The following ZFHX3 variants were observed in gnomAD, a reference collection of about 807,000 sequenced individuals.
ZFHX3 encodes zinc finger homeobox 3.
ZFHX3 carries 42 observed loss-of-function variants against 279.1 expected under a neutral mutation model. The ratio of observed to expected loss-of-function variants is 0.15; its 90% CI spans 0.12 to 0.19. The LOEUF (loss-of-function observed/expected upper bound fraction) is 0.19. Among genes scored for constraint, ZFHX3 ranks in the 10% least tolerant of loss-of-function variants. The probability of loss-of-function intolerance (pLI) is 1.00; values close to 1 mark genes in which losing one functional copy is unlikely to be tolerated. For synonymous variants in ZFHX3, 2,293 were observed against 1,957.8 expected, an observed-to-expected ratio of 1.17 and a Z score of -4.52; for missense variants, 4,981 against 4,754.0, an observed-to-expected ratio of 1.05 and a Z score of -1.40.
At chr16:73,047,506 G>A (rs1965340546) in intron 1 of ZFHX3, among the ~76,000 whole-genome samples, 1 of 152,190 alleles carries the variant, frequency 6.6e-6, no homozygotes, top group Non-Finnish European at 1.5e-5. Context: ...GCAGACTCAG[G>A]AAAGGAGGAG....
At chr16:73,594,399 C>T (rs182638999) in intron 2 of ZFHX3, among the ~76,000 whole-genome samples, 1 of 152,142 alleles carries the variant, frequency 6.6e-6, no homozygotes. Flanking sequence ...AATTACCTTC[C>T]AATGGATGTG....
chr16:73,518,127 G>A (rs1259526269), intron 2 of ZFHX3, among the ~76,000 whole-genome samples: 1 of 152,064 alleles, frequency 6.6e-6, no homozygotes, highest in Non-Finnish European at 1.5e-5. Flanking sequence ...CACATTTCAG[G>A]TGCTCGTTAG....
chr16:73,399,569 T>A (rs150634850), intron 3 of ZFHX3, among the ~76,000 whole-genome samples: 3,208 of 152,112 alleles, frequency 0.021, 45 homozygotes, highest in African/African-American at 0.038. Context: ...TGCAAATGGG[T>A]TGATGAGTTT....
At chr16:72,862,338 C>T (rs2037909386) in intron 4 of ZFHX3, among the ~76,000 whole-genome samples, 1 of 152,240 alleles carries the variant, frequency 6.6e-6, no homozygotes, top group Non-Finnish European at 1.5e-5. Flanking sequence ...CTGCTGTGTT[C>T]CCTGCCTTCT....
At chr16:73,120,648 AC>A (rs200939803) in intron 7 of ZFHX3, among the ~76,000 whole-genome samples, 987 of 74,102 alleles carry the variant, frequency 0.013, 60 homozygotes, top group African/African-American at 0.032. Flanking sequence ...TATCCTCTCT[AC>A]CTTTTTTTTT....
rs547603140 is a variant in ZFHX3 at position 73,249,904 on chromosome 16, G to A, written c.-1104+7143C>T. 8.8e-4 allele frequency among the ~76,000 whole-genome samples: 134 copies of A among 151,530 alleles called. 1 individual carries two copies. Among genetic ancestry groups the A allele is most frequent in the Non-Finnish European group, 1.5e-3 (102 of 67,956 alleles). The stretch of plus-strand genomic sequence containing the variant: ...AGGAAATGCAAATTAAAATCATAAC[G>A]AGGGACCATTCCCGCAACTACCACC... On this transcript the variant is annotated intron_variant, in intron 5 of 17. Coordinates refer to the ZFHX3 transcript ENST00000641206.
At chr16:73,297,033 C>T (rs1223484403) in intron 4 of ZFHX3, among the ~76,000 whole-genome samples, 1 of 150,024 alleles carries the variant, frequency 6.7e-6, no homozygotes, top group Non-Finnish European at 1.5e-5. Flanking sequence ...GCCCACCACC[C>T]TGCCCGGCTA....
chr16:72,923,586 T>C (rs1396236569), intron 3 of ZFHX3, among the ~76,000 whole-genome samples: 14 of 152,072 alleles, frequency 9.2e-5, no homozygotes, highest in Admixed American at 8.5e-4. Context: ...GGCACTGATA[T>C]AGTTGATGCG....
At chr16:73,594,024 T>G (rs1464267309) in intron 2 of ZFHX3, among the ~76,000 whole-genome samples, 1 of 152,160 alleles carries the variant, frequency 6.6e-6, no homozygotes, top group African/African-American at 2.4e-5. Context: ...AACATTATAC[T>G]GGAGGTCACA....
chr16:73,457,792 A>C (rs2018399321), intron 2 of ZFHX3, among the ~76,000 whole-genome samples: 1 of 152,154 alleles, frequency 6.6e-6, no homozygotes, highest in Admixed American at 6.5e-5. Flanking sequence ...AAAATAAAAT[A>C]AAATAAAAAT....
At chr16:73,177,064 C>T (rs974801753) in intron 5 of ZFHX3, among the ~76,000 whole-genome samples, 9 of 151,988 alleles carry the variant, frequency 5.9e-5, no homozygotes, top group African/African-American at 1.2e-4. Context: ...TACTCAATGA[C>T]GTGAGTTATT....
rs80134978 is a variant in ZFHX3 at position 73,271,256 on chromosome 16, T to G, written c.-1193-14120A>C. Among the ~76,000 whole-genome samples, 502 of 152,314 alleles carry G rather than the reference T, an allele frequency of 3.3e-3. 6 individuals are homozygous for G. The highest frequency in any genetic ancestry group is 0.026 in the East Asian group (136 of 5,182). ...AGCCCTTGTCATTTTAAACATCAAC[T>G]CTTCAACCAAATGGGCCCTTTTTGT... On this transcript the variant is annotated intron_variant, in intron 4 of 17. Coordinates refer to the ZFHX3 transcript ENST00000641206.
At chr16:72,971,863 G>A (rs1429957760) in intron 1 of ZFHX3, among the ~76,000 whole-genome samples, 1 of 145,676 alleles carries the variant, frequency 6.9e-6, no homozygotes, top group Non-Finnish European at 1.5e-5. Context: ...CATTTCTTTT[G>A]TGAACTGCCT....
chr16:73,102,368 T>A (rs1031985832), intron 7 of ZFHX3, among the ~76,000 whole-genome samples: 113 of 152,324 alleles, frequency 7.4e-4, no homozygotes, highest in African/African-American at 2.6e-3. Context: ...GAAATACATA[T>A]CTATGCATAT....
At chr16:73,457,079 C>T (rs1269189176) in intron 2 of ZFHX3, among the ~76,000 whole-genome samples, 1 of 152,192 alleles carries the variant, frequency 6.6e-6, no homozygotes, top group Non-Finnish European at 1.5e-5. Flanking sequence ...TAGAGGGTAG[C>T]GGAGCCTTGT....
Position 72,788,078 on chromosome 16 carries a change from G to C in ZFHX3, c.10198C>G (p.Gln3400Glu). 6.2e-7 allele frequency: 1 copy of C among 1,612,044 alleles called. No homozygotes were observed. Among genetic ancestry groups the C allele is most frequent in the Non-Finnish European group, 8.5e-7 (1 of 1,179,874 alleles). The change falls in exon 10 of 10, where the codon CAA (glutamine) becomes GAA (glutamate). Residue 3400 changes from glutamine (Q) to glutamate (E), a missense_variant. Physicochemically the swap from Gln to Glu is conservative, Grantham distance 29. Transcript: ENST00000268489. ...KVQQQQPKAS[Q>E]TPVPPGAPSP... ...GGAGCCCCGGGGGGGACTGGGGTTT[G>C]GCTTGCTTTGGGCTGCTGCTGCTGC... is the stretch of plus-strand genomic sequence containing the variant.
At chr16:73,823,965 A>G (rs547921987) in intron 1 of ZFHX3, among the ~76,000 whole-genome samples, 4 of 152,298 alleles carry the variant, frequency 2.6e-5, no homozygotes, top group Admixed American at 1.3e-4. Flanking sequence ...ATTTGGGCAT[A>G]TTTTGCTTCA....
At chr16:73,797,828 T>C (rs1184579464) in intron 1 of ZFHX3, among the ~76,000 whole-genome samples, 15 of 148,836 alleles carry the variant, frequency 1.0e-4, no homozygotes, top group Admixed American at 1.0e-3. Flanking sequence ...TTTTTTTTTT[T>C]TTTGAGAAGC....
chr16:73,498,177 C>T (rs1045964340), intron 2 of ZFHX3, among the ~76,000 whole-genome samples: 5 of 152,240 alleles, frequency 3.3e-5, no homozygotes, highest in Non-Finnish European at 5.9e-5. Context: ...GGTGACTCCC[C>T]CCATCAACAC....
Sources: gnomAD v4.1 joint callset for allele counts (sites outside exome capture counted in the v4.1 genomes callset) on GRCh38, gnomAD v4.1.1 for gene constraint, MANE v1.5 for transcripts, NCBI Gene and HGNC (gene_info 2026-07-23, HGNC 2026-07-21) for gene names.